The following MS4A15 variants were observed in gnomAD, a reference collection of about 807,000 sequenced individuals.
MS4A15 encodes membrane spanning 4-domains A15.
Under a neutral mutation model 20.6 loss-of-function variants are expected in MS4A15, and 22 were observed. That is an observed-to-expected ratio of 1.07 (90% CI 0.76 to 1.52). MS4A15 has a LOEUF of 1.52. Among genes scored for constraint, MS4A15 ranks in the 40% most tolerant of loss-of-function variants. The pLI is 0.00. For synonymous variants in MS4A15, 129 were observed against 129.3 expected (o/e 1.00, Z 0.02); for missense variants, 312 against 323.0 (o/e 0.97, Z 0.26).
intron 6 of MS4A15, among the ~76,000 whole-genome samples, chr11:60,775,146 T>C (rs1363904847): frequency 6.6e-6 from 1 of 151,794 alleles, no homozygotes; most frequent in Non-Finnish European, 1.5e-5. Flanking sequence ...TGAAACCCCG[T>C]CTCTACTAAA....
intron 4 of MS4A15, 44 bp downstream of exon 4, chr11:60,771,391 G>GCTTCATCCCT (rs774150656): frequency 6.2e-7 from 1 of 1,612,058 alleles, no homozygotes; most frequent in Admixed American, 1.7e-5. Flanking sequence ...TGAAGCCACA[G>GCTTCATCCCT]CTAAATCTCA....
chr11:60,762,795 TG>T (rs1853779789), intron 1 of MS4A15, among the ~76,000 whole-genome samples: 1 of 152,168 alleles, frequency 6.6e-6, no homozygotes, highest in Admixed American at 6.6e-5. Context: ...CATTTGAGGT[TG>T]GGGCATGGAA....
chr11:60,774,645 G>T (rs986524809), intron 6 of MS4A15, among the ~76,000 whole-genome samples: 1 of 152,198 alleles, frequency 6.6e-6, no homozygotes, highest in African/African-American at 2.4e-5. Context: ...ATCAGGGAGG[G>T]CAGCATGATA....
chr11:60,773,206 C>G (rs929471999), intron 4 of MS4A15, among the ~76,000 whole-genome samples, 186 bp from the exon 5 acceptor site: 7 of 152,182 alleles, frequency 4.6e-5, no homozygotes, highest in Non-Finnish European at 7.4e-5. Context: ...CTCCCGAGGT[C>G]CCAGGGGAGG....
chr11:60,764,706 C>G (rs1276298392), intron 2 of MS4A15, among the ~76,000 whole-genome samples: 4 of 152,182 alleles, frequency 2.6e-5, no homozygotes, highest in Middle Eastern at 3.4e-3. Context: ...GTCAGGAGAT[C>G]AAGACCAACC....
chr11:60,758,702 T>G (rs1853650540), intron 1 of MS4A15, among the ~76,000 whole-genome samples: 1 of 152,252 alleles, frequency 6.6e-6, no homozygotes, highest in South Asian at 2.1e-4. Flanking sequence ...CTGACTTTAT[T>G]GGTAATATCA....
Position 60,771,459 on chromosome 11 carries a change from G to A in MS4A15, c.405+112G>A, listed in dbSNP as rs187204449. 295 of 1,558,000 alleles carry A rather than the reference G, an allele frequency of 1.9e-4. 1 individual carries two copies. The African/African-American group carries it at 3.8e-3, about 20-fold the overall frequency. The stretch of plus-strand genomic sequence containing the variant: ...TCAGCTCATTCCCCAGCACTTCAGG[G>A]GACCTGCAAAGTGCCAGGGGAGGGG... On this transcript the variant is annotated intron_variant, in intron 4 of 6. Transcript: ENST00000405633.
rs141015496 is a variant in MS4A15 at position 60,770,878 on chromosome 11, G to A, written c.349-413G>A. ...ACGCCACTCTGCCCAGCTCATTTTT[G>A]TATTTTTAGTAGAGACTGGAGTTTC... On this transcript the variant is annotated intron_variant, in intron 3 of 6. Coordinates refer to ENST00000405633, the MANE Select transcript of MS4A15 (RefSeq NM_001098835.2). Among the ~76,000 whole-genome samples the A allele has an allele frequency of 4.0e-3, 602 of 151,872 alleles. 5 individuals carry two copies. Among genetic ancestry groups the A allele is most frequent in the African/African-American group, 0.014 (575 of 41,420 alleles).
Position 60,763,957 on chromosome 11 carries a change from G to T in MS4A15, c.224G>T (p.Gly75Val), listed in dbSNP as rs1428902905. The change falls in exon 2 of 7, where the codon GGG (glycine) becomes GTG (valine). Residue 75 changes from glycine to valine, a missense_variant and splice_region_variant. Coordinates refer to ENST00000405633, the MANE Select transcript of MS4A15 (RefSeq NM_001098835.2). ...TFLTGEPKVL[G>V]TVQILIGLIH... ...CTGACAGGAGAGCCCAAAGTTTTGG[G>T]GGTAAGAACAGCCTCTCTGCACAAC... 1.2e-6 allele frequency: 2 copies of T among 1,610,944 alleles called. No individual in the cohort carries two copies. The highest frequency in any genetic ancestry group is 1.7e-6 in the Non-Finnish European group (2 of 1,178,962).
intron 3 of MS4A15, among the ~76,000 whole-genome samples, chr11:60,770,633 G>A (rs895138036): frequency 4.0e-5 from 6 of 151,756 alleles, no homozygotes; most frequent in African/African-American, 1.5e-4. Flanking sequence ...CTCCTTGAGG[G>A]CAGAGATCTG....
In MS4A15 at chr11:60,763,881, C is replaced by G. The variant is rs1173657481; in HGVS notation, c.148C>G (p.Gln50Glu). The change falls in exon 2 of 7, where the codon CAG (glutamine) becomes GAG (glutamate). Residue 50 changes from glutamine to glutamate, a missense_variant. Coordinates refer to ENST00000405633, the MANE Select transcript of MS4A15 (RefSeq NM_001098835.2). ...MQFEEPPLGA[Q>E]TPRATQPPDL... ...GTTTGAGGAGCCACCGCTGGGGGCA[C>G]AGACACCAAGGGCCACACAGCCACC... The G allele has an allele frequency of 1.2e-6, 2 of 1,613,042 alleles. No homozygotes were observed. Among genetic ancestry groups the G allele is most frequent in the South Asian group, 2.2e-5 (2 of 91,036 alleles).
rs570606661 is a variant in MS4A15 at position 60,773,432 on chromosome 11, C to T, written c.446C>T (p.Ala149Val). ...SLGTNILSVM[A>V]AFAGTAILLM... is the part of the protein sequence containing the mutation. ...GGCACCAACATCCTCAGCGTCATGG[C>T]GGCCTTTGCTGGGACAGCCATTCTG... The change falls in exon 5 of 7, where the codon GCG becomes GTG. Residue 149 changes from alanine (A) to valine (V), a missense_variant. Physicochemically the swap from Ala to Val is moderately conservative, Grantham distance 64. Transcript: ENST00000405633. The T allele has an allele frequency of 9.0e-5, 146 of 1,613,736 alleles. 2 individuals are homozygous for T. In the South Asian group the frequency reaches 1.1e-3, roughly 12 times the overall value.
intron 5 of MS4A15, 43 bp downstream of exon 5, chr11:60,773,527 T>C (rs1164105869): frequency 1.3e-6 from 2 of 1,566,044 alleles, no homozygotes; most frequent in African/African-American, 2.7e-5. Context: ...ACTTGGAAAA[T>C]GATGCAGCCA....
At chr11:60,764,111 C>G (rs1226816215) in intron 2 of MS4A15, among the ~76,000 whole-genome samples, 153 bp downstream of exon 2, 1 of 152,202 alleles carries the variant, frequency 6.6e-6, no homozygotes, top group Admixed American at 6.5e-5. Context: ...AAGCACCCTT[C>G]CCGCATAAAG....
At chr11:60,771,744 C>A in intron 4 of MS4A15, 1 of 1,231,538 alleles carries the variant, frequency 8.1e-7, no homozygotes, top group Non-Finnish European at 1.0e-6. Context: ...CTGGCTCCAT[C>A]CAACGAAGGC....
At chr11:60,771,437 G>A (rs1379887601) in intron 4 of MS4A15, 90 bp downstream of exon 4, 1 of 1,581,218 alleles carries the variant, frequency 6.3e-7, no homozygotes. Flanking sequence ...CACTCCTTCA[G>A]CTCATTCCCC....
intron 3 of MS4A15, among the ~76,000 whole-genome samples, chr11:60,770,382 G>A (rs987043421): frequency 1.3e-5 from 2 of 152,184 alleles, no homozygotes; most frequent in South Asian, 2.1e-4. Context: ...GGTGGATCAC[G>A]AGGTCAGGAG....
At chr11:60,774,889 G>A (rs148666635) in intron 6 of MS4A15, among the ~76,000 whole-genome samples, 25 of 152,292 alleles carry the variant, frequency 1.6e-4, no homozygotes, top group African/African-American at 6.0e-4. Flanking sequence ...TCAGTCAAGA[G>A]GATTTGTCCA....
intron 2 of MS4A15, among the ~76,000 whole-genome samples, chr11:60,765,826 C>T (rs569299338): frequency 6.7e-6 from 1 of 150,068 alleles, no homozygotes; most frequent in South Asian, 2.1e-4. Context: ...ATGGAGACAG[C>T]GGCTGGAATT....
Sources: gnomAD v4.1 joint callset for allele counts (sites outside exome capture counted in the v4.1 genomes callset) on GRCh38, gnomAD v4.1.1 for gene constraint, MANE v1.5 for transcripts, NCBI Gene and HGNC (gene_info 2026-07-23, HGNC 2026-07-21) for gene names.